RAB31: variants seen among roughly 807,000 people sequenced by gnomAD.
The protein encoded by RAB31 is ras-related protein Rab-31.
A neutral mutation model predicts 25.6 loss-of-function variants in RAB31; 21 were observed. The ratio of observed to expected loss-of-function variants is 0.82; its 90% CI spans 0.58 to 1.18. The LOEUF (loss-of-function observed/expected upper bound fraction) is 1.18, where lower values mean the gene tolerates loss of function less well. RAB31 is among the 50% of genes most tolerant of loss of function. RAB31 has a pLI of 0.00. For synonymous variants in RAB31, 87 were observed against 84.0 expected (o/e 1.04, Z -0.20); for missense variants, 196 against 250.1 (o/e 0.78, Z 1.46).
chr18:9,827,214 T>C lies in RAB31; in HGVS notation c.380+11992T>C, dbSNP rs1019439851. ...CTTTTCAAGCTCAGGGGTCTCCTGTTGGCATTTCCTTGAAATTCCACCTCT... is the reference window on the plus strand; with the variant it reads ...CTTTTCAAGCTCAGGGGTCTCCTGTCGGCATTTCCTTGAAATTCCACCTCT... On this transcript the variant is annotated intron_variant, in intron 5 of 6. Coordinates refer to ENST00000578921, the MANE Select transcript of RAB31 (RefSeq NM_006868.4). Among the ~76,000 whole-genome samples, 39 of 152,120 alleles carry C rather than the reference T, an allele frequency of 2.6e-4. 1 individual carries two copies. Among genetic ancestry groups the C allele is most frequent in the African/African-American group, 9.2e-4 (38 of 41,436 alleles).
intron 5 of RAB31, among the ~76,000 whole-genome samples, chr18:9,840,835 T>A (rs976432981): frequency 1.3e-5 from 2 of 152,146 alleles, no homozygotes; most frequent in African/African-American, 2.4e-5. Flanking sequence ...ATTCAGTAAT[T>A]CACTAGAATG....
At chr18:9,809,645 GTCTAATTGCTGCTGGATAT>G (rs796496139) in intron 3 of RAB31, among the ~76,000 whole-genome samples, 7 of 152,260 alleles carry the variant, frequency 4.6e-5, no homozygotes, top group African/African-American at 1.7e-4. Flanking sequence ...AAACACCTAA[GTCTAATTGCTGCTGGATAT>G]TCCATCATAT....
intron 1 of RAB31, among the ~76,000 whole-genome samples, chr18:9,722,434 G>A (rs1356435628): frequency 6.6e-6 from 1 of 152,168 alleles, no homozygotes; most frequent in African/African-American, 2.4e-5. Context: ...ATTAAACCAT[G>A]ACATGGTGCA....
intron 1 of RAB31, among the ~76,000 whole-genome samples, chr18:9,710,444 C>T (rs879309561): frequency 6.6e-6 from 1 of 152,190 alleles, no homozygotes; most frequent in Non-Finnish European, 1.5e-5. Flanking sequence ...TGAGTGGCTT[C>T]CTGCAGACAG....
intron 5 of RAB31, among the ~76,000 whole-genome samples, chr18:9,844,104 A>G (rs2068748434): frequency 1.3e-5 from 2 of 152,142 alleles, no homozygotes; most frequent in South Asian, 4.1e-4. Flanking sequence ...CTGCAGCATT[A>G]GAGGAGCTTC....
intron 1 of RAB31, among the ~76,000 whole-genome samples, chr18:9,729,608 G>A (rs575267455): frequency 2.2e-4 from 33 of 152,076 alleles, no homozygotes; most frequent in African/African-American, 7.5e-4. Context: ...ATTTGAGCAC[G>A]TGGATTTTGG....
chr18:9,782,051 C>T (rs1462569898), intron 2 of RAB31, among the ~76,000 whole-genome samples: 3 of 152,220 alleles, frequency 2.0e-5, no homozygotes, highest in Non-Finnish European at 4.4e-5. Context: ...CCCTGGTGCC[C>T]ATTCCCATGT....
intron 5 of RAB31, among the ~76,000 whole-genome samples, chr18:9,831,245 G>A (rs1319008648): frequency 6.6e-6 from 1 of 152,176 alleles, no homozygotes; most frequent in East Asian, 1.9e-4. Context: ...GGGTTATGAT[G>A]CAGAACTATG....
intron 1 of RAB31, among the ~76,000 whole-genome samples, chr18:9,742,981 A>G (rs770572409): frequency 2.6e-5 from 4 of 152,210 alleles, no homozygotes; most frequent in Non-Finnish European, 4.4e-5. Context: ...AAAAAACCAA[A>G]GCTGTCTTTC....
chr18:9,726,377 G>A (rs1461798122), intron 1 of RAB31, among the ~76,000 whole-genome samples: 1 of 152,174 alleles, frequency 6.6e-6, no homozygotes, highest in Non-Finnish European at 1.5e-5. Context: ...GAGGGCAGAT[G>A]AGCCCTGGCA....
At chr18:9,767,876 T>C (rs2145487046) in intron 1 of RAB31, among the ~76,000 whole-genome samples, 1 of 151,672 alleles carries the variant, frequency 6.6e-6, no homozygotes, top group Admixed American at 6.6e-5. Flanking sequence ...CCTAGCCCCC[T>C]GCCCCCTGAC....
intron 1 of RAB31, among the ~76,000 whole-genome samples, chr18:9,750,179 A>C (rs1296227746): frequency 1.3e-5 from 2 of 152,134 alleles, no homozygotes; most frequent in South Asian, 2.1e-4. Flanking sequence ...AGAGGGAAGA[A>C]ATGGGAAACA....
In RAB31 at chr18:9,860,124, C is replaced by T. The variant is rs1599071694; in HGVS notation, c.*799C>T. 2 of 152,264 alleles carry T rather than the reference C, an allele frequency of 1.3e-5. No individual in the cohort carries two copies. The highest frequency in any genetic ancestry group is 4.1e-4 in the South Asian group (2 of 4,822). The allele number at this position is 152,264 out of a possible 1,614,324, so 9.4% of individuals were successfully genotyped here. ...GAGACCACCTGACATGCATCTCCTC[C>T]GCAGGAATACATTCGTCCTCTCTTA... On this transcript the variant is annotated 3_prime_UTR_variant, in exon 7 of 7. Transcript: ENST00000578921.
chr18:9,795,220 C>T (rs1219037251), intron 3 of RAB31, among the ~76,000 whole-genome samples: 1 of 152,200 alleles, frequency 6.6e-6, no homozygotes, highest in Non-Finnish European at 1.5e-5. Context: ...TCTCATCTCT[C>T]ACCCTATACA....
At chr18:9,724,376 G>A (rs1427666304) in intron 1 of RAB31, among the ~76,000 whole-genome samples, 1 of 152,012 alleles carries the variant, frequency 6.6e-6, no homozygotes, top group Non-Finnish European at 1.5e-5. Flanking sequence ...TGCATGACTG[G>A]ACACTTCATT....
At chr18:9,853,963 C>CTTTTTTTTTTTTTTTT (rs11376519) in intron 6 of RAB31, among the ~76,000 whole-genome samples, 5 of 130,840 alleles carry the variant, frequency 3.8e-5, no homozygotes, top group Non-Finnish European at 8.2e-5. Flanking sequence ...CTTTTCTTTT[C>CTTTTTTTTTTTTTTTT]TTTTTTTTTT....
At chr18:9,723,079 G>A (rs113127647) in intron 1 of RAB31, among the ~76,000 whole-genome samples, 3,933 of 152,166 alleles carry the variant, frequency 0.026, 88 homozygotes, top group Middle Eastern at 0.095. Flanking sequence ...ACCAAGTCTC[G>A]TTCTGCCACC....
intron 6 of RAB31, among the ~76,000 whole-genome samples, chr18:9,857,345 T>A (rs941874291): frequency 6.6e-6 from 1 of 152,166 alleles, no homozygotes; most frequent in Non-Finnish European, 1.5e-5. Context: ...CTGGGGTGTT[T>A]TGGTGCTCTA....
chr18:9,712,057 T>C (rs781253575), intron 1 of RAB31, among the ~76,000 whole-genome samples: 2 of 152,164 alleles, frequency 1.3e-5, no homozygotes, highest in Admixed American at 6.5e-5. Context: ...TTGCAGCAGG[T>C]GGGAGTGAAA....
Sources: allele counts gnomAD v4.1 joint callset (sites outside exome capture counted in the v4.1 genomes callset), GRCh38; gene constraint gnomAD v4.1.1; transcripts MANE v1.5; gene names NCBI Gene and HGNC (gene_info 2026-07-23, HGNC 2026-07-21).